The following HR variants were observed in gnomAD, a reference collection of about 807,000 sequenced individuals.
HR encodes HR lysine demethylase and nuclear receptor corepressor, also known as lysine-specific demethylase hairless.
HR carries 83 observed loss-of-function variants against 128.6 expected under a neutral mutation model. The observed-to-expected ratio is 0.65, with a 90% confidence interval of 0.54 to 0.77. The LOEUF (loss-of-function observed/expected upper bound fraction) is 0.77, where lower values mean the gene tolerates loss of function less well. Ranked by LOEUF, HR falls within the 30% of genes least tolerant of loss-of-function variation. The pLI, the probability that HR is intolerant of heterozygous loss-of-function variation, is 0.00. For missense variants in HR, 1,490 were observed against 1,574.6 expected, an observed-to-expected ratio of 0.95 and a Z score of 0.91; for synonymous variants, 681 against 658.2, an observed-to-expected ratio of 1.03 and a Z score of -0.53.
At chr8:22,117,163 G>C in intron 16 of HR, 124 bp from the exon 17 acceptor site, 1 of 1,027,914 alleles carries the variant, frequency 9.7e-7, no homozygotes, top group Non-Finnish European at 1.4e-6. Flanking sequence ...GTCTTGAAGG[G>C]CAGGCAGGGA....
Position 22,118,971 on chromosome 8 carries a change from G to C in HR, c.3192C>G (p.Arg1064=). ...TCACCATCTGGAGAAAGCGGCGGAT[G>C]CGCTGGGCGTCCTGTGCCCGGAACA... ...WHVFRAQDAQ[R]IRRFLQMVCP... Residue 1064 remains arginine (R), a synonymous_variant, in exon 16 of 19, where the codon CGC becomes CGG. Coordinates refer to ENST00000381418, the MANE Select transcript of HR (RefSeq NM_005144.5). The C allele has an allele frequency of 6.2e-7, 1 of 1,611,876 alleles. No homozygotes were observed. Among genetic ancestry groups the C allele is most frequent in the Non-Finnish European group, 8.5e-7 (1 of 1,179,978 alleles).
chr8:22,127,624 G>A lies in HR; in HGVS notation c.818C>T (p.Thr273Ile), dbSNP rs1312233055. ...AGCGGGCCAGGAGGTCCAGGGCACAGTGTCTGGCTGCCCCAGGAAGAGCGG... is the reference window on the plus strand; with the variant it reads ...AGCGGGCCAGGAGGTCCAGGGCACAATGTCTGGCTGCCCCAGGAAGAGCGG... ...PCPLFLGQPD[T>I]VPWTSWPACP... The change falls in exon 3 of 19, where the codon ACT (threonine) becomes ATT (isoleucine). Residue 273 changes from threonine (T) to isoleucine (I), a missense_variant. Around this residue, in one of 3 missense-constraint regions of HR, gnomAD observed 1,060 missense variants for 1,060.9 expected, o/e 1.00. Transcript: ENST00000381418. The A allele has an allele frequency of 1.9e-6, 3 of 1,610,456 alleles. No homozygotes were observed. Among genetic ancestry groups the A allele is most frequent in the Non-Finnish European group, 2.5e-6 (3 of 1,179,176 alleles).
rs1448349800 is a variant in HR, at chr8:22,127,109, C to A, written c.1333G>T (p.Gly445Cys). 4 of 1,610,924 alleles carry A rather than the reference C, an allele frequency of 2.5e-6. No individual in the cohort carries two copies. The highest frequency in any genetic ancestry group is 1.7e-5 in the Admixed American group (1 of 59,940). The change falls in exon 3 of 19, where the codon GGT (glycine) becomes TGT (cysteine). Residue 445 changes from glycine to cysteine, a missense_variant. Coordinates refer to ENST00000381418, the MANE Select transcript of HR (RefSeq NM_005144.5). ...FPGTAEQGAG[G>C]WQEVRDTSIG... ...GATGTGTCCCGCACCTCCTGCCAACCCCCAGCCCCCTGTTCTGCAGTGCCT... is the reference window on the plus strand; with the variant it reads ...GATGTGTCCCGCACCTCCTGCCAACACCCAGCCCCCTGTTCTGCAGTGCCT...
At chr8:22,119,418 C>T (rs1050706526) in intron 14 of HR, 135 bp from the exon 15 acceptor site, 10 of 1,284,310 alleles carry the variant, frequency 7.8e-6, no homozygotes, top group Non-Finnish European at 1.1e-5. Context: ...AGACCAGCCT[C>T]AACATGGAGA....
Position 22,128,867 on chromosome 8 carries a change from C to T in HR, c.304G>A (p.Ala102Thr). 1 of 1,613,408 alleles carries T rather than the reference C, an allele frequency of 6.2e-7. No homozygotes were observed. Residue 102 changes from alanine to threonine, a missense_variant, in exon 2 of 19, where the codon GCC (alanine) becomes ACC (threonine). Ala to Thr is a moderately conservative substitution (Grantham distance 58, BLOSUM62 0). Coordinates refer to ENST00000381418, the MANE Select transcript of HR (RefSeq NM_005144.5). Reference sequence around the variant, plus strand: ...AATGCCAGCGGATGGGTAAGCATGGCCTCCTTCCAGCGCAGTCCCTCTTTG... The same window carrying T: ...AATGCCAGCGGATGGGTAAGCATGGTCTCCTTCCAGCGCAGTCCCTCTTTG... ...GSKEGLRWKE[A>T]MLTHPLAFCG...
At chr8:22,128,129 T>G in intron 2 of HR, 1 of 547,340 alleles carries the variant, frequency 1.8e-6, no homozygotes, top group Non-Finnish European at 3.3e-6. Context: ...TGTGCCATAC[T>G]GAGTTTTAAG....
chr8:22,122,074 TATA>T (rs1044951844), intron 8 of HR, among the ~76,000 whole-genome samples: 8 of 152,174 alleles, frequency 5.3e-5, no homozygotes, highest in African/African-American at 1.9e-4. Context: ...GGATGACTTT[TATA>T]ATAAGAACAT....
chr8:22,130,678 G>A lies in HR; in HGVS notation c.-291C>T, dbSNP rs968769172. 1 of 152,436 alleles carries A rather than the reference G, an allele frequency of 6.6e-6. No homozygotes were observed. The highest frequency in any genetic ancestry group is 2.1e-4 in the South Asian group (1 of 4,838). The allele number at this position is 152,436 out of a possible 1,614,324, so 9.4% of individuals were successfully genotyped here. ...CACACGGCGCGGATCGGCCGCACCA[G>A]CTTCTGGGCCGAGGCCGTAGGTTGC... On this transcript the variant is annotated 5_prime_UTR_variant, in exon 1 of 19. Transcript: ENST00000381418.
chr8:22,127,980 C>A (rs1468447283), intron 2 of HR, 151 bp from the exon 3 acceptor site: 2 of 801,904 alleles, frequency 2.5e-6, no homozygotes, highest in Non-Finnish European at 4.2e-6. Context: ...CTCTGGAGTG[C>A]CTCTGACACT....
At position 22,125,437 on chromosome 8, in the gene HR, G is replaced by A. The variant is rs1346097171; in HGVS notation, c.1624C>T (p.Pro542Ser). 2 of 1,613,390 alleles carry A rather than the reference G, an allele frequency of 1.2e-6. No homozygotes were observed. The highest frequency in any genetic ancestry group is 3.3e-5 in the Admixed American group (2 of 60,008). ...TATNSSSEEG[P>S]GSGPDSRLST... ...AGCCGGCTGTCAGGGCCGGACCCTG[G>A]GCCTTCCTCAGAGCTGGAGTTGGTG... Residue 542 changes from proline (P) to serine (S), a missense_variant, in exon 5 of 19, where the codon CCA becomes TCA. Pro to Ser is a moderately conservative substitution (Grantham distance 74). This residue lies in a region of HR where 1,060 missense variants were observed against 1,060.9 expected (regional missense o/e 1.00). Transcript: ENST00000381418.
intron 5 of HR, 122 bp from the exon 6 acceptor site, chr8:22,123,935 C>T: frequency 8.5e-7 from 1 of 1,177,554 alleles, no homozygotes; most frequent in Non-Finnish European, 1.2e-6. Flanking sequence ...TGGAGAGGGC[C>T]CCCCCAGGGA....
chr8:22,116,545 G>C lies in HR; in HGVS notation c.3379-117C>G. 4.8e-6 allele frequency: 7 copies of C among 1,446,160 alleles called. No homozygotes were observed. Among genetic ancestry groups the C allele is most frequent in the Non-Finnish European group, 6.6e-6 (7 of 1,059,726 alleles). 89.6% of individuals were successfully genotyped at this position (1,446,160 alleles called of 1,614,324 possible). ...CCACCCCCGACCCCTGGCTCTCAGA[G>C]AGCAGATTCCTGGATGCACCACTGG... On this transcript the variant is annotated intron_variant, in intron 17 of 18. Coordinates refer to ENST00000381418, the MANE Select transcript of HR (RefSeq NM_005144.5). The surrounding 1 kb of genome is among the most constrained non-coding windows in gnomAD (Gnocchi z 4.2).
At chr8:22,118,752 G>C in intron 16 of HR, 198 bp downstream of exon 16, 1 of 603,116 alleles carries the variant, frequency 1.7e-6, no homozygotes, top group Non-Finnish European at 3.0e-6. Flanking sequence ...CGCAGCCCCT[G>C]CCCCTTCTCT....
intron 6 of HR, 32 bp downstream of exon 6, chr8:22,123,617 T>TGGGGGGCGCC: frequency 2.1e-5 from 6 of 292,092 alleles, no homozygotes; most frequent in Non-Finnish European, 3.1e-5. Flanking sequence ...GAGGGCTCCA[T>TGGGGGGCGCC]CCCGCCCTCC....
chr8:22,121,680 C>T lies in HR; in HGVS notation c.2136G>A (p.Gln712=), dbSNP rs1269279914. The T allele has an allele frequency of 6.2e-7, 1 of 1,613,938 alleles. No individual in the cohort carries two copies. The highest frequency in any genetic ancestry group is 8.5e-7 in the Non-Finnish European group (1 of 1,180,014). ...AAGGTTGTGGAGTTGGGGGCGTTTTCTGTGTTGATTCCTTCTGTTAAACCC... is the reference window on the plus strand; with the variant it reads ...AAGGTTGTGGAGTTGGGGGCGTTTTTTGTGTTGATTCCTTCTGTTAAACCC... ...GDAGQQKEST[Q]KTPPTPQPSC... Residue 712 remains glutamine, a synonymous_variant, in exon 9 of 19, where the codon CAG becomes CAA. Transcript: ENST00000381418.
At chr8:22,120,231 C>G in intron 12 of HR, 58 bp from the exon 13 acceptor site, 1 of 1,599,114 alleles carries the variant, frequency 6.3e-7, no homozygotes, top group Non-Finnish European at 8.5e-7. Context: ...CCTGCCCCGG[C>G]GGCAGCAACA....
chr8:22,125,960 C>T (rs941517522), intron 3 of HR, among the ~76,000 whole-genome samples: 7 of 152,166 alleles, frequency 4.6e-5, no homozygotes, highest in African/African-American at 9.7e-5. Context: ...GGCAGCCGAG[C>T]GAAGAGGTTG....
chr8:22,120,769 G>T lies in HR; in HGVS notation c.2557C>A (p.Pro853Thr). The stretch of plus-strand genomic sequence containing the variant: ...AGGTGGAAGCCACGCCGAGGGCAAG[G>T]CTGGGGCTCCTGCAGCCACAGCAAA... The part of the protein sequence containing the change: ...GALLWLQEPQ[P>T]CPRRGFHLFQ... Residue 853 changes from proline to threonine, a missense_variant, in exon 11 of 19, where the codon CCT (proline) becomes ACT (threonine). Around this residue, in one of 3 missense-constraint regions of HR, gnomAD observed 423 missense variants for 495.9 expected, o/e 0.85. Transcript: ENST00000381418. 1 of 1,528,676 alleles carries T rather than the reference G, an allele frequency of 6.5e-7. No homozygotes were observed. Among genetic ancestry groups the T allele is most frequent in the Non-Finnish European group, 8.8e-7 (1 of 1,135,504 alleles). 94.7% of individuals were successfully genotyped at this position (1,528,676 alleles called of 1,614,324 possible). A position where few individuals can be genotyped will look rare whatever the true frequency, so the allele number is the denominator to read the frequency against.
intron 6 of HR, 32 bp downstream of exon 6, chr8:22,123,617 T>TGGGGGGGCC: frequency 2.7e-4 from 78 of 292,072 alleles, no homozygotes; most frequent in Middle Eastern, 1.3e-3. Context: ...GAGGGCTCCA[T>TGGGGGGGCC]CCCGCCCTCC....
Sources: allele counts gnomAD v4.1 joint callset (sites outside exome capture counted in the v4.1 genomes callset), GRCh38; gene constraint gnomAD v4.1.1; regional missense constraint gnomAD v4.1.1; non-coding constraint Gnocchi (gnomAD v3.1); transcripts MANE v1.5; gene names NCBI Gene and HGNC (gene_info 2026-07-23, HGNC 2026-07-21).